AGBL2: variants seen among roughly 807,000 people sequenced by gnomAD.
AGBL2 encodes cytosolic carboxypeptidase 2.
Under a neutral mutation model 103.0 loss-of-function variants are expected in AGBL2, and 87 were observed. The observed-to-expected ratio is 0.84, with a 90% CI of 0.71 to 1.01. The LOEUF is 1.01. Among genes scored for constraint, AGBL2 ranks in the 50% least tolerant of loss-of-function variants. AGBL2 has a pLI of 0.00. For missense variants in AGBL2, 904 were observed against 1,023.5 expected, an observed-to-expected ratio of 0.88 and a Z score of 1.59; for synonymous variants, 335 against 356.7, an observed-to-expected ratio of 0.94 and a Z score of 0.69.
Position 47,676,351 on chromosome 11 carries a change from C to T in AGBL2, c.2147+920G>A, listed in dbSNP as rs1275089643. On this transcript the variant is annotated intron_variant, in intron 14 of 18. Coordinates refer to ENST00000525123, the MANE Select transcript of AGBL2 (RefSeq NM_024783.4). ...AACCAATTCACACATCCCCCCACAA[C>T]CACTGCTGCTACTCTGGTCTAAGCC... is the stretch of plus-strand genomic sequence containing the variant. Among the ~76,000 whole-genome samples the T allele has an allele frequency of 7.2e-5, 11 of 152,274 alleles. No individual in the cohort carries two copies. In the South Asian group the frequency reaches 2.3e-3, roughly 32 times the overall value.
chr11:47,680,532 A>G (rs938570115), intron 12 of AGBL2, among the ~76,000 whole-genome samples: 2 of 152,188 alleles, frequency 1.3e-5, no homozygotes, highest in South Asian at 2.1e-4. Context: ...TAATCCCAGC[A>G]CTTTGAGAGA....
chr11:47,691,729 A>AAAAAAAAAATATATATAT, intron 9 of AGBL2, among the ~76,000 whole-genome samples: 2 of 4,856 alleles, frequency 4.1e-4, no homozygotes, highest in African/African-American at 7.2e-4. Context: ...AAAAAAAAAA[A>AAAAAAAAAATATATATAT]ATATATATAT....
chr11:47,678,346 T>C (rs1022098906), intron 13 of AGBL2, among the ~76,000 whole-genome samples: 2 of 126,670 alleles, frequency 1.6e-5, no homozygotes, highest in African/African-American at 5.1e-5. Context: ...TTATTTTATT[T>C]TTTTTGAGAC....
intron 14 of AGBL2, among the ~76,000 whole-genome samples, chr11:47,676,975 T>C (rs1335101780): frequency 2.0e-5 from 3 of 152,130 alleles, no homozygotes; most frequent in Non-Finnish European, 4.4e-5. Context: ...CCCTACTCCT[T>C]TCTAATGGCT....
intron 5 of AGBL2, 39 bp from the exon 6 acceptor site, chr11:47,705,673 G>T: frequency 1.7e-6 from 1 of 579,512 alleles, no homozygotes; most frequent in East Asian, 2.8e-5. Flanking sequence ...AGAAAAAGAA[G>T]AAAGGGAATG....
chr11:47,681,942 G>A, intron 12 of AGBL2, 27 bp downstream of exon 12: 1 of 1,607,724 alleles, frequency 6.2e-7, no homozygotes, highest in Non-Finnish European at 8.5e-7. Flanking sequence ...TCCTATGCTG[G>A]CCTATGATAT....
intron 13 of AGBL2, among the ~76,000 whole-genome samples, chr11:47,678,320 A>ATTATTTT (rs1316888179): frequency 1.7e-5 from 2 of 119,694 alleles, no homozygotes; most frequent in Non-Finnish European, 1.9e-5. Flanking sequence ...ATTTTATTTT[A>ATTATTTT]TTTTATTTTA....
intron 7 of AGBL2, among the ~76,000 whole-genome samples, chr11:47,701,199 A>C (rs2153804972): frequency 6.6e-6 from 1 of 151,434 alleles, no homozygotes; most frequent in Non-Finnish European, 1.5e-5. Context: ...GGGCGCAGTG[A>C]GTGGCTCACG....
chr11:47,714,189 T>C, intron 3 of AGBL2, 95 bp downstream of exon 3: 1 of 866,494 alleles, frequency 1.2e-6, no homozygotes, highest in Admixed American at 2.2e-5. Context: ...ATGCAAATTA[T>C]TTATTAGTCT....
In AGBL2 at chr11:47,705,665, A is replaced by AAAAAGG. The variant is rs746088683; in HGVS notation, c.287-32_287-31insCCTTTT. 139 of 597,730 alleles carry AAAAAGG rather than the reference A, an allele frequency of 2.3e-4. 1 individual carries two copies. The highest frequency in any genetic ancestry group is 7.1e-4 in the South Asian group (34 of 47,892). 37.0% of individuals were successfully genotyped at this position (597,730 alleles called of 1,614,324 possible). A position where few individuals can be genotyped will look rare whatever the true frequency, so the allele number is the denominator to read the frequency against. Reference sequence around the variant, plus strand: ...TCAAAAAAAAAAAAAAAAGAAAAAGAAAAAGAAGAAAGGGAATGAGGAAAA... The same window carrying AAAAAGG: ...TCAAAAAAAAAAAAAAAAGAAAAAGAAAAAGGAAAAGAAGAAAGGGAATGAGGAAAA... On this transcript the variant is annotated intron_variant, in intron 5 of 18. Coordinates refer to ENST00000525123, the MANE Select transcript of AGBL2 (RefSeq NM_024783.4).
intron 15 of AGBL2, among the ~76,000 whole-genome samples, chr11:47,667,932 G>A (rs978440173): frequency 6.6e-6 from 1 of 152,152 alleles, no homozygotes; most frequent in African/African-American, 2.4e-5. Context: ...CTTATGGTTG[G>A]GCATGGTGGC....
chr11:47,698,088 C>G (rs559260003), intron 8 of AGBL2, among the ~76,000 whole-genome samples: 2 of 151,346 alleles, frequency 1.3e-5, no homozygotes, highest in African/African-American at 2.4e-5. Context: ...TCTCGAACTG[C>G]CGACCTCAGG....
chr11:47,666,384 T>A, intron 17 of AGBL2, among the ~76,000 whole-genome samples: 2 of 129,400 alleles, frequency 1.5e-5, no homozygotes, highest in South Asian at 2.8e-4. Context: ...AGAGTAAGAC[T>A]CCATCTCAAA....
rs1427832870 is a variant in AGBL2, at chr11:47,660,053, G to C, written c.*120C>G. ...TACAAAGTGTAAGGTCAGTGCATGA[G>C]TGCACAACACAGTATACCACAAGTA... On this transcript the variant is annotated 3_prime_UTR_variant, in exon 19 of 19. Transcript: ENST00000525123. 7 of 1,107,402 alleles carry C rather than the reference G, an allele frequency of 6.3e-6. No individual in the cohort carries two copies. The highest frequency in any genetic ancestry group is 9.0e-6 in the Non-Finnish European group (7 of 781,258). The allele number at this position is 1,107,402 out of a possible 1,614,324, so 68.6% of individuals were successfully genotyped here.
At chr11:47,714,213 C>T in intron 3 of AGBL2, 71 bp downstream of exon 3, 1 of 1,174,348 alleles carries the variant, frequency 8.5e-7, no homozygotes, top group Non-Finnish European at 1.3e-6. Flanking sequence ...CAAGTGCAAC[C>T]CTCCCAGCTA....
At chr11:47,673,096 C>T (rs936507246) in intron 14 of AGBL2, among the ~76,000 whole-genome samples, 1 of 152,174 alleles carries the variant, frequency 6.6e-6, no homozygotes, top group African/African-American at 2.4e-5. Context: ...GTGCTAGGTA[C>T]AGAACAGTAC....
chr11:47,676,426 C>G (rs1598936006), intron 14 of AGBL2, among the ~76,000 whole-genome samples: 1 of 152,170 alleles, frequency 6.6e-6, no homozygotes, highest in African/African-American at 2.4e-5. Context: ...TTATCTTTTA[C>G]CTATATTATT....
chr11:47,701,098 A>G (rs1037652373), intron 7 of AGBL2, among the ~76,000 whole-genome samples: 2 of 151,884 alleles, frequency 1.3e-5, no homozygotes, highest in African/African-American at 2.4e-5. Context: ...GCTTATTAAT[A>G]CAATTTAGTT....
intron 17 of AGBL2, chr11:47,666,580 T>C (rs1228519296): frequency 8.3e-6 from 4 of 479,598 alleles, no homozygotes; most frequent in Non-Finnish European, 1.5e-5. Context: ...TTGTTCAAGG[T>C]TGCATTCACA....
Sources: gnomAD v4.1 joint callset for allele counts (sites outside exome capture counted in the v4.1 genomes callset) on GRCh38, gnomAD v4.1.1 for gene constraint, MANE v1.5 for transcripts, NCBI Gene and HGNC (gene_info 2026-07-23, HGNC 2026-07-21) for gene names.